Variants in PHACTR2 observed in about 807,000 individuals in gnomAD.
The protein encoded by PHACTR2 is chromosome 6 open reading frame 56.
In PHACTR2, 30 loss-of-function variants were observed where a neutral mutation model predicts 76.0. The ratio of observed to expected loss-of-function variants is 0.39; its 90% CI spans 0.30 to 0.54. PHACTR2 has a LOEUF of 0.54. PHACTR2 is among the 20% of genes least tolerant of loss of function. The pLI, the probability that PHACTR2 is intolerant of heterozygous loss-of-function variation, is 0.61. For missense variants in PHACTR2, 696 were observed against 781.1 expected, an observed-to-expected ratio of 0.89 and a Z score of 1.30; for synonymous variants, 292 against 292.5, an observed-to-expected ratio of 1.00 and a Z score of 0.02.
At position 143,800,453 on chromosome 6, in the gene PHACTR2, G is replaced by T. The variant is rs1035946709; in HGVS notation, c.1846-6604G>T. 6.6e-6 allele frequency among the ~76,000 whole-genome samples: 1 copy of T among 151,998 alleles called. No individual in the cohort carries two copies. Among genetic ancestry groups the T allele is most frequent in the African/African-American group, 2.4e-5 (1 of 41,384 alleles). On this transcript the variant is annotated intron_variant, in intron 11 of 12. Coordinates refer to ENST00000440869, the MANE Select transcript of PHACTR2 (RefSeq NM_001100164.2). The surrounding 1 kb of genome is among the most constrained non-coding windows in gnomAD (Gnocchi z 4.8). Reference sequence around the variant, plus strand: ...ATTTTTTGTATTTTTAGTAGAGACGGGGTTTCACTGTGTTAGCCAGGATGG... The same window carrying T: ...ATTTTTTGTATTTTTAGTAGAGACGTGGTTTCACTGTGTTAGCCAGGATGG...
At chr6:143,555,891 C>T (rs903433290) in intron 1 of PHACTR2, among the ~76,000 whole-genome samples, 32 of 150,068 alleles carry the variant, frequency 2.1e-4, no homozygotes, top group African/African-American at 7.8e-4. Context: ...TCACCACCGA[C>T]ACAAAAGAAT....
intron 10 of PHACTR2, among the ~76,000 whole-genome samples, chr6:143,785,063 C>A (rs1303929626): frequency 2.0e-5 from 3 of 152,260 alleles, no homozygotes; most frequent in Admixed American, 6.5e-5. Flanking sequence ...TCCCAACAGT[C>A]CACCAAAGTC....
Position 143,610,397 on chromosome 6 carries a change from G to A in PHACTR2, c.13+2075G>A, listed in dbSNP as rs1003736884. Among the ~76,000 whole-genome samples the A allele has an allele frequency of 5.3e-5, 8 of 152,184 alleles. No individual in the cohort carries two copies. The highest frequency in any genetic ancestry group is 1.9e-4 in the African/African-American group (8 of 41,446). ...TGCCTAAATTTTTCTAATCAGAAATGAATTGAGGCCCTGGATTTCAGAGCT... is the reference window on the plus strand; with the variant it reads ...TGCCTAAATTTTTCTAATCAGAAATAAATTGAGGCCCTGGATTTCAGAGCT... On this transcript the variant is annotated intron_variant, in intron 1 of 11. Transcript: ENST00000305766. This position sits in a 1 kb window ranked among gnomAD's most constrained non-coding sequence, Gnocchi z 4.9.
chr6:143,759,692 AG>A (rs1215782347), intron 4 of PHACTR2, among the ~76,000 whole-genome samples: 6 of 151,498 alleles, frequency 4.0e-5, no homozygotes, highest in Non-Finnish European at 7.4e-5. Flanking sequence ...AAAAAAAAAA[AG>A]AAAAGAAAAG....
At chr6:143,805,694 C>A (rs1278650251) in intron 11 of PHACTR2, among the ~76,000 whole-genome samples, 1 of 152,178 alleles carries the variant, frequency 6.6e-6, no homozygotes, top group Non-Finnish European at 1.5e-5. Flanking sequence ...TCTCTGCTTG[C>A]TTCTTCATTT....
chr6:143,673,303 A>C (rs1299458233), upstream of PHACTR2, among the ~76,000 whole-genome samples: 1 of 148,336 alleles, frequency 6.7e-6, no homozygotes, highest in Admixed American at 6.8e-5. Context: ...CTATATTATT[A>C]CCAAAATTTT....
chr6:143,812,449 G>A (rs542005460), intron 12 of PHACTR2, among the ~76,000 whole-genome samples: 44 of 152,236 alleles, frequency 2.9e-4, no homozygotes, highest in African/African-American at 7.5e-4. Context: ...ACACTTCCAC[G>A]TCTTGTGCAC....
chr6:143,802,586 A>T (rs1476584432), intron 11 of PHACTR2, among the ~76,000 whole-genome samples: 2 of 142,054 alleles, frequency 1.4e-5, no homozygotes, highest in East Asian at 4.2e-4. Flanking sequence ...ATTTGAGGCT[A>T]CAATGAGCTG....
At position 143,664,833 on chromosome 6, in the gene PHACTR2, CTG is replaced by C. The variant is rs1225080594; in HGVS notation, c.14-47181_14-47180del. On this transcript the variant is annotated intron_variant, in intron 1 of 11. Transcript: ENST00000305766. This position sits in a 1 kb window ranked among gnomAD's most constrained non-coding sequence, Gnocchi z 5.1. ...TATTATTTTGAGACACTGTCTTGCTCTGTCACCCAGGCTGGAGTGCAGTGGTG... is the reference window on the plus strand; with the variant it reads ...TATTATTTTGAGACACTGTCTTGCTCTCACCCAGGCTGGAGTGCAGTGGTG... Among the ~76,000 whole-genome samples the C allele has an allele frequency of 6.6e-6, 1 of 152,064 alleles. No homozygotes were observed. The highest frequency in any genetic ancestry group is 1.5e-5 in the Non-Finnish European group (1 of 68,008).
chr6:143,772,352 G>A lies in PHACTR2; in HGVS notation c.1327G>A (p.Asp443Asn). Residue 443 changes from aspartate (D) to asparagine (N), a missense_variant, in exon 7 of 13, where the codon GAT becomes AAT. Coordinates refer to ENST00000440869, the MANE Select transcript of PHACTR2 (RefSeq NM_001100164.2). This position sits in a 1 kb window ranked among gnomAD's most constrained non-coding sequence, Gnocchi z 5.4. The part of the protein sequence containing the change: ...ESSESFSASE[D>N]EGHREYQAND... ...TTCAGAATCCTTTAGTGCCTCAGAA[G>A]ATGAAGGCCACAGGGAATACCAAGC... is the stretch of plus-strand genomic sequence containing the variant. The A allele has an allele frequency of 6.2e-7, 1 of 1,613,910 alleles. No homozygotes were observed. The highest frequency in any genetic ancestry group is 1.1e-5 in the South Asian group (1 of 91,076).
rs986640861 is a variant in PHACTR2 at position 143,809,202 on chromosome 6, A to G, written c.1922+2069A>G. 6.6e-6 allele frequency among the ~76,000 whole-genome samples: 1 copy of G among 152,254 alleles called. No individual in the cohort carries two copies. Among genetic ancestry groups the G allele is most frequent in the Non-Finnish European group, 1.5e-5 (1 of 68,048 alleles). On this transcript the variant is annotated intron_variant, in intron 12 of 12. Transcript: ENST00000440869. This position sits in a 1 kb window ranked among gnomAD's most constrained non-coding sequence, Gnocchi z 4.2. Reference sequence around the variant, plus strand: ...TTACAGTCAAAAGGAATCAAATTTTAAAAGTACATTTTTATGGAAGTTCTC... The same window carrying G: ...TTACAGTCAAAAGGAATCAAATTTTGAAAGTACATTTTTATGGAAGTTCTC...
intron 1 of PHACTR2, among the ~76,000 whole-genome samples, chr6:143,660,343 T>C (rs1452613231): frequency 1.3e-5 from 2 of 152,082 alleles, no homozygotes; most frequent in Admixed American, 1.3e-4. Flanking sequence ...ACATCTTACA[T>C]GGATGGCAGC....
At chr6:143,620,507 A>G (rs887147639) in intron 1 of PHACTR2, among the ~76,000 whole-genome samples, 4 of 152,048 alleles carry the variant, frequency 2.6e-5, no homozygotes, top group Non-Finnish European at 5.9e-5. Context: ...GCTTACAAAT[A>G]TAGCTTGTTT....
intron 3 of PHACTR2, among the ~76,000 whole-genome samples, chr6:143,752,180 T>C (rs1374117776): frequency 6.6e-6 from 1 of 152,034 alleles, no homozygotes; most frequent in Non-Finnish European, 1.5e-5. Flanking sequence ...TAAAATAGAA[T>C]TAAATTGTCA....
At chr6:143,626,051 G>A (rs192449007) in intron 1 of PHACTR2, among the ~76,000 whole-genome samples, 30 of 152,240 alleles carry the variant, frequency 2.0e-4, no homozygotes, top group Admixed American at 4.6e-4. Flanking sequence ...TCAGGTGAAC[G>A]CTATTTTTTA....
rs1236401932 is a variant in PHACTR2, at chr6:143,754,058, G to C, written c.454+146G>C. 1 of 453,986 alleles carries C rather than the reference G, an allele frequency of 2.2e-6. No individual in the cohort carries two copies. Among genetic ancestry groups the C allele is most frequent in the Admixed American group, 4.0e-5 (1 of 25,216 alleles). The allele number at this position is 453,986 out of a possible 1,614,324, so 28.1% of individuals were successfully genotyped here. A position where few individuals can be genotyped will look rare whatever the true frequency, so the allele number is the denominator to read the frequency against. ...AGAAAAAAGAAAGAAATGATAACTA[G>C]TAAAGTGAAATCGGATGATTTTCTC... On this transcript the variant is annotated intron_variant, in intron 4 of 12. Coordinates refer to ENST00000440869, the MANE Select transcript of PHACTR2 (RefSeq NM_001100164.2). The surrounding 1 kb of genome is among the most constrained non-coding windows in gnomAD (Gnocchi z 6.2).
Position 143,827,187 on chromosome 6 carries a change from T to TATGTATATAATATAC in PHACTR2, c.*3500_*3501insGTATATAATATACAT, listed in dbSNP as rs1776560885. Reference sequence around the variant, plus strand: ...ATATATATATATATATATATATATATATATATATATATGTATATTATATAT... The same window carrying TATGTATATAATATAC: ...ATATATATATATATATATATATATATATGTATATAATATACATATATATATATGTATATTATATAT... On this transcript the variant is annotated 3_prime_UTR_variant, in exon 13 of 13. Transcript: ENST00000440869. The TATGTATATAATATAC allele has an allele frequency of 7.5e-6, 1 of 133,456 alleles. No homozygotes were observed. Among genetic ancestry groups the TATGTATATAATATAC allele is most frequent in the Non-Finnish European group, 1.6e-5 (1 of 62,492 alleles). The allele number at this position is 133,456 out of a possible 1,614,324, so 8.3% of individuals were successfully genotyped here.
At position 143,548,312 on chromosome 6, in the gene PHACTR2, C is replaced by A. The variant is rs1375333446; in HGVS notation, c.217+11105C>A. Among the ~76,000 whole-genome samples, 1 of 149,918 alleles carries A rather than the reference C, an allele frequency of 6.7e-6. No homozygotes were observed. The highest frequency in any genetic ancestry group is 1.5e-5 in the Non-Finnish European group (1 of 66,568). Reference sequence around the variant, plus strand: ...CAAAGACTCCACCTCATAATACCATCATGTTAGGGGATAGGGTTCTAATGT... The same window carrying A: ...CAAAGACTCCACCTCATAATACCATAATGTTAGGGGATAGGGTTCTAATGT... On this transcript the variant is annotated intron_variant, in intron 1 of 11. Coordinates refer to the PHACTR2 transcript ENST00000367584. The surrounding 1 kb of genome is among the most constrained non-coding windows in gnomAD (Gnocchi z 4.5).
Position 143,764,106 on chromosome 6 carries a change from A to G in PHACTR2, c.695-1155A>G, listed in dbSNP as rs1028732311. ...CTATCCGGAAGTAGGCAAATATACC[A>G]TAGCTATCCTTCGATGAAGACCTTC... On this transcript the variant is annotated intron_variant, in intron 5 of 12. Coordinates refer to ENST00000440869, the MANE Select transcript of PHACTR2 (RefSeq NM_001100164.2). This position sits in a 1 kb window ranked among gnomAD's most constrained non-coding sequence, Gnocchi z 4.7. Among the ~76,000 whole-genome samples, 22 of 152,226 alleles carry G rather than the reference A, an allele frequency of 1.4e-4. No individual in the cohort carries two copies. Among genetic ancestry groups the G allele is most frequent in the African/African-American group, 5.3e-4 (22 of 41,450 alleles).
Sources: gnomAD v4.1 joint callset for allele counts (sites outside exome capture counted in the v4.1 genomes callset) on GRCh38, gnomAD v4.1.1 for gene constraint, Gnocchi (gnomAD v3.1) non-coding constraint, MANE v1.5 for transcripts, NCBI Gene and HGNC (gene_info 2026-07-23, HGNC 2026-07-21) for gene names.